Variants in AZIN2 observed in about 807,000 individuals in gnomAD.
The protein encoded by AZIN2 is ODC antizyme inhibitor-2.
AZIN2 carries 28 observed loss-of-function variants against 47.8 expected under a neutral mutation model. That is an observed-to-expected ratio of 0.59 (90% CI 0.43 to 0.80). The LOEUF (loss-of-function observed/expected upper bound fraction) is 0.80, where lower values mean the gene tolerates loss of function less well. Ranked by LOEUF, AZIN2 falls within the 30% of genes least tolerant of loss-of-function variation. The probability of loss-of-function intolerance (pLI) is 0.00; values close to 1 mark genes in which losing one functional copy is unlikely to be tolerated. For missense variants in AZIN2, 535 were observed against 582.5 expected, an observed-to-expected ratio of 0.92 and a Z score of 0.84; for synonymous variants, 221 against 239.4, an observed-to-expected ratio of 0.92 and a Z score of 0.71.
rs902848332 is a variant in AZIN2, at chr1:33,082,873, A to G, written c.105+519A>G. 4 of 155,086 alleles carry G rather than the reference A, an allele frequency of 2.6e-5. No homozygotes were observed. In the South Asian group the frequency reaches 5.8e-4, roughly 23 times the overall value. 9.6% of individuals were successfully genotyped at this position (155,086 alleles called of 1,614,324 possible). Reference sequence around the variant, plus strand: ...CCCAGCTTTCCCCACAGTATATATTATGCTCCTTCGGAGCTGAATGACTCA... The same window carrying G: ...CCCAGCTTTCCCCACAGTATATATTGTGCTCCTTCGGAGCTGAATGACTCA... On this transcript the variant is annotated intron_variant, in intron 4 of 11. Coordinates refer to ENST00000294517, the MANE Select transcript of AZIN2 (RefSeq NM_052998.4).
At chr1:33,154,965 T>C in the AZIN2 span, among the ~76,000 whole-genome samples, 34,894 of 150,024 alleles carry the variant, frequency 0.23, 4,063 homozygotes, top group South Asian at 0.3. Context: ...TCTTGGCAGG[T>C]GCCTGCAGTC....
chr1:33,108,534 G>A (rs906527460), intron 10 of AZIN2, among the ~76,000 whole-genome samples: 3 of 151,934 alleles, frequency 2.0e-5, no homozygotes, highest in Admixed American at 2.0e-4. Flanking sequence ...GTAGAGATGG[G>A]GTTTCACCAT....
At chr1:33,136,918 A>C in the AZIN2 span, among the ~76,000 whole-genome samples, 7 of 151,074 alleles carry the variant, frequency 4.6e-5, no homozygotes, top group Non-Finnish European at 8.8e-5. Context: ...AATTGCTTGA[A>C]CCCAGGAGGC....
chr1:33,134,128 A>G, the AZIN2 span, among the ~76,000 whole-genome samples: 7 of 152,200 alleles, frequency 4.6e-5, no homozygotes, highest in African/African-American at 1.7e-4. Context: ...CATGCTCTGA[A>G]CACTTACCGT....
Position 33,081,811 on chromosome 1 carries a change from A to C in AZIN2, c.-74A>C. ...TTGATGTGGCCACCGGCTACCCTCT[A>C]GGTGGGCGTGGTCAAGACTGGGGGC... On this transcript the variant is annotated splice_region_variant and 5_prime_UTR_variant, in exon 3 of 12. It removes the in-frame stop codon of an upstream open reading frame in the 5' UTR. Transcript: ENST00000294517. This position sits in a 1 kb window ranked among gnomAD's most constrained non-coding sequence, Gnocchi z 4.2. The C allele has an allele frequency of 7.7e-6, 2 of 259,136 alleles. No individual in the cohort carries two copies. Among genetic ancestry groups the C allele is most frequent in the Non-Finnish European group, 1.5e-5 (2 of 131,052 alleles). 16.1% of individuals were successfully genotyped at this position (259,136 alleles called of 1,614,324 possible).
At chr1:33,124,695 G>A (rs538391587), downstream of AZIN2, among the ~76,000 whole-genome samples, 18 of 151,894 alleles carry the variant, frequency 1.2e-4, no homozygotes, top group East Asian at 1.6e-3. This position sits in a 1 kb window ranked among gnomAD's most constrained non-coding sequence, Gnocchi z 4.6. Context: ...GACAGGCCTC[G>A]GTGTGTGGTG....
downstream of AZIN2, among the ~76,000 whole-genome samples, chr1:33,124,982 C>T (rs992589253): frequency 1.3e-5 from 2 of 152,204 alleles, no homozygotes; most frequent in South Asian, 2.1e-4. The surrounding 1 kb of genome is among the most constrained non-coding windows in gnomAD (Gnocchi z 4.6). Context: ...AATAAACATA[C>T]GTGTGCATGC....
chr1:33,161,241 GC>G, the AZIN2 span, among the ~76,000 whole-genome samples: 1 of 152,218 alleles, frequency 6.6e-6, no homozygotes, highest in Non-Finnish European at 1.5e-5. This position sits in a 1 kb window ranked among gnomAD's most constrained non-coding sequence, Gnocchi z 4.3. Context: ...CGGGTTCTGA[GC>G]CGGGGCCTGA....
the AZIN2 span, among the ~76,000 whole-genome samples, chr1:33,152,757 G>C: frequency 8.7e-4 from 133 of 152,246 alleles, no homozygotes; most frequent in Non-Finnish European, 4.6e-4. Context: ...AGGAAACTGG[G>C]GCTCTGAGAG....
chr1:33,161,853 C>G, the AZIN2 span, among the ~76,000 whole-genome samples: 2 of 152,198 alleles, frequency 1.3e-5, no homozygotes, highest in South Asian at 4.1e-4. This position sits in a 1 kb window ranked among gnomAD's most constrained non-coding sequence, Gnocchi z 4.3. Context: ...CCTCCCATCT[C>G]TGTGACTGCT....
chr1:33,087,729 C>T lies in AZIN2; in HGVS notation c.279+3602C>T, dbSNP rs970481050. Among the ~76,000 whole-genome samples the T allele has an allele frequency of 4.6e-5, 7 of 151,492 alleles. No individual in the cohort carries two copies. In the South Asian group the frequency reaches 1.5e-3, roughly 32 times the overall value. ...GGGACTACAGGCATGAGCCACCACA[C>T]CCGACTGGCAATGCATTCTTTAAAA... is the stretch of plus-strand genomic sequence containing the variant. On this transcript the variant is annotated intron_variant, in intron 5 of 11. Transcript: ENST00000294517.
chr1:33,142,825 G>A, the AZIN2 span: 5 of 152,134 alleles, frequency 3.3e-5, no homozygotes, highest in Admixed American at 2.6e-4. Context: ...TGGATGGACC[G>A]GGTTTGATTT....
intron 5 of AZIN2, among the ~76,000 whole-genome samples, chr1:33,089,581 G>A (rs987313904): frequency 3.3e-5 from 5 of 152,144 alleles, no homozygotes; most frequent in South Asian, 2.1e-4. Flanking sequence ...ACTCAGATTC[G>A]GGGTAGGCCA....
At chr1:33,127,078 G>C (rs1001230841), downstream of AZIN2, among the ~76,000 whole-genome samples, 9 of 152,172 alleles carry the variant, frequency 5.9e-5, no homozygotes, top group African/African-American at 2.2e-4. Flanking sequence ...CTCATGGATC[G>C]TCCCTTTGTC....
At chr1:33,106,010 A>C (rs1171436359) in intron 10 of AZIN2, among the ~76,000 whole-genome samples, 4 of 152,218 alleles carry the variant, frequency 2.6e-5, no homozygotes, top group Non-Finnish European at 5.9e-5. Context: ...TTGCAATAGC[A>C]CTTACCAAGT....
chr1:33,094,591 CA>C lies in AZIN2; in HGVS notation c.632del (p.Gln211ArgfsTer37). On this transcript the variant is annotated frameshift_variant, in exon 8 of 12. Transcript: ENST00000294517. LOFTEE classifies it high-confidence loss of function. ...SGCPDPQAYA[Q>X]SIADARLVFE... is the part of the protein sequence containing the mutation. Reference sequence around the variant, plus strand: ...CTGTCCTGACCCTCAGGCCTATGCTCAGTCCATCGCAGACGCCCGGCTCGTG... The same window carrying C: ...CTGTCCTGACCCTCAGGCCTATGCTCGTCCATCGCAGACGCCCGGCTCGTG... 1 of 1,614,178 alleles carries C rather than the reference CA, an allele frequency of 6.2e-7. No homozygotes were observed. Among genetic ancestry groups the C allele is most frequent in the Non-Finnish European group, 8.5e-7 (1 of 1,180,028 alleles).
the AZIN2 span, chr1:33,146,951 A>G: frequency 1.7e-6 from 1 of 579,202 alleles, no homozygotes; most frequent in Non-Finnish European, 3.1e-6. Flanking sequence ...CCTTGGATCA[A>G]AGCTGTATCC....
chr1:33,123,574 T>C (rs920788787), downstream of AZIN2, among the ~76,000 whole-genome samples: 1 of 152,142 alleles, frequency 6.6e-6, no homozygotes, highest in East Asian at 1.9e-4. Context: ...AATAAGAAAA[T>C]GGGTATAAGG....
At chr1:33,143,060 C>G in the AZIN2 span, 1 of 152,216 alleles carries the variant, frequency 6.6e-6, no homozygotes, top group Non-Finnish European at 1.5e-5. Flanking sequence ...TCCCTCCTTC[C>G]TTCCCAAGCC....
Sources: gnomAD v4.1 joint callset for allele counts (sites outside exome capture counted in the v4.1 genomes callset) on GRCh38, gnomAD v4.1.1 for gene constraint, Gnocchi (gnomAD v3.1) non-coding constraint, MANE v1.5 for transcripts, NCBI Gene and HGNC (gene_info 2026-07-23, HGNC 2026-07-21) for gene names.